Variants in FRMPD4 observed in about 807,000 individuals in gnomAD.
FRMPD4 encodes the protein FERM and PDZ domain-containing protein 4.
Under a neutral mutation model 94.1 loss-of-function variants are expected in FRMPD4, and 22 were observed. That is an observed-to-expected ratio of 0.23 (90% CI 0.17 to 0.33). The LOEUF is 0.33. Ranked by LOEUF, FRMPD4 falls within the 10% of genes least tolerant of loss-of-function variation. FRMPD4 has a pLI of 1.00. For synonymous variants in FRMPD4, 631 were observed against 548.6 expected (o/e 1.15, Z -2.10); for missense variants, 1,111 against 1,339.9 (o/e 0.83, Z 2.67).
chrX:11,825,952 C>T (rs957848405), intron 1 of FRMPD4, among the ~76,000 whole-genome samples: 1 of 111,660 alleles, frequency 9.0e-6, no homozygotes, highest in Non-Finnish European at 1.9e-5. Flanking sequence ...TTAATAGAGA[C>T]GTGTACCATA....
intron 3 of FRMPD4, among the ~76,000 whole-genome samples, chrX:12,008,542 C>A (rs1214839853): frequency 2.7e-5 from 3 of 112,629 alleles, no homozygotes; most frequent in African/African-American, 9.7e-5. Flanking sequence ...TCATCCTCAG[C>A]AGAAGGCAGA....
At chrX:11,888,719 C>A (rs2053859052) in intron 3 of FRMPD4, among the ~76,000 whole-genome samples, 1 of 111,801 alleles carries the variant, frequency 8.9e-6, no homozygotes. Context: ...CCAGTATATA[C>A]AAAAGTTATG....
At chrX:11,927,807 C>A (rs1254170309) in intron 3 of FRMPD4, among the ~76,000 whole-genome samples, 1 of 111,926 alleles carries the variant, frequency 8.9e-6, no homozygotes. Flanking sequence ...GAAAGACAAC[C>A]TAGGCAATAC....
At chrX:12,032,709 C>T (rs762883892) in intron 3 of FRMPD4, among the ~76,000 whole-genome samples, 17 of 112,054 alleles carry the variant, frequency 1.5e-4, no homozygotes, top group African/African-American at 4.5e-4. Context: ...ATAAGCAAAA[C>T]GATGATGGAA....
intron 2 of FRMPD4, among the ~76,000 whole-genome samples, chrX:12,509,648 T>C (rs772839802): frequency 1.8e-5 from 2 of 110,836 alleles, no homozygotes; most frequent in Admixed American, 9.6e-5. Context: ...ACTGCTCGGG[T>C]GATGGGTGCG....
chrX:12,024,855 C>T (rs1420881338), intron 3 of FRMPD4, among the ~76,000 whole-genome samples: 1 of 111,667 alleles, frequency 9.0e-6, no homozygotes, highest in Non-Finnish European at 1.9e-5. Flanking sequence ...ATGGGAGTGA[C>T]TCCCTTTTGC....
At position 12,182,595 on chromosome X, in the gene FRMPD4, A is replaced by G. The variant is rs184619714; in HGVS notation, c.41+43583A>G. 2.8e-5 allele frequency among the ~76,000 whole-genome samples: 3 copies of G among 108,267 alleles called. No individual in the cohort carries two copies. In the East Asian group the frequency reaches 8.8e-4, roughly 32 times the overall value. 94.0% of individuals were successfully genotyped at this position (108,267 alleles called of 115,157 possible). Reference sequence around the variant, plus strand: ...ATAAATAAATATATATATATATGTCATCACTTTCTGTCTTAGTTGGCCCTG... The same window carrying G: ...ATAAATAAATATATATATATATGTCGTCACTTTCTGTCTTAGTTGGCCCTG... On this transcript the variant is annotated intron_variant, in intron 1 of 16. Transcript: ENST00000675598.
At chrX:11,843,391 C>T (rs1050864970) in intron 1 of FRMPD4, among the ~76,000 whole-genome samples, 2 of 110,865 alleles carry the variant, frequency 1.8e-5, no homozygotes, top group African/African-American at 6.6e-5. Context: ...CTTTTCTTTA[C>T]TATTAGTGTC....
chrX:12,332,207 TAGAGAGAGAGAGAGAGAGAG>T (rs531737337), intron 1 of FRMPD4, among the ~76,000 whole-genome samples: 2 of 59,538 alleles, frequency 3.4e-5, no homozygotes, highest in African/African-American at 1.5e-4. Flanking sequence ...TATATATATA[TAGAGAGAGAGAGAGAGAGAG>T]AGAGAGAGAG....
At chrX:12,115,909 G>A (rs779796465) in intron 3 of FRMPD4, among the ~76,000 whole-genome samples, 11 of 111,812 alleles carry the variant, frequency 9.8e-5, no homozygotes, top group Admixed American at 5.7e-4. Context: ...CCATGTAGTC[G>A]CGGAAACATT....
At chrX:12,039,341 C>T (rs953846859) in intron 3 of FRMPD4, among the ~76,000 whole-genome samples, 2 of 108,973 alleles carry the variant, frequency 1.8e-5, no homozygotes, top group African/African-American at 6.7e-5. Context: ...AAGGTGAAAA[C>T]TTATTATTGG....
At chrX:11,824,131 T>G (rs182189260) in intron 1 of FRMPD4, among the ~76,000 whole-genome samples, 81 of 111,707 alleles carry the variant, frequency 7.3e-4, no homozygotes, top group African/African-American at 2.5e-3. Context: ...TACCAAATGA[T>G]TTCCATAAAA....
intron 2 of FRMPD4, among the ~76,000 whole-genome samples, chrX:12,504,806 T>C (rs761300496): frequency 8.9e-6 from 1 of 112,693 alleles, no homozygotes; most frequent in East Asian, 2.8e-4. Context: ...TTTCCCTATG[T>C]TTCTTCTTGA....
chrX:12,395,463 A>G (rs1428860844), intron 1 of FRMPD4, among the ~76,000 whole-genome samples: 1 of 112,359 alleles, frequency 8.9e-6, no homozygotes, highest in Non-Finnish European at 1.9e-5. Context: ...TAAAGGATGA[A>G]TTTGATAATT....
At chrX:12,274,556 T>G (rs2054403880) in intron 1 of FRMPD4, among the ~76,000 whole-genome samples, 1 of 112,524 alleles carries the variant, frequency 8.9e-6, no homozygotes, top group Admixed American at 9.4e-5. Flanking sequence ...TTTCATATTT[T>G]CCTGCATTAG....
At chrX:12,321,713 T>C (rs931206885) in intron 1 of FRMPD4, among the ~76,000 whole-genome samples, 7 of 112,222 alleles carry the variant, frequency 6.2e-5, no homozygotes, top group African/African-American at 2.3e-4. Context: ...ACCTGATCTC[T>C]GTCCTCATGA....
At chrX:12,059,111 A>G (rs1274819464) in intron 3 of FRMPD4, among the ~76,000 whole-genome samples, 2 of 111,716 alleles carry the variant, frequency 1.8e-5, no homozygotes, top group Admixed American at 9.5e-5. Context: ...GTGTACAGAC[A>G]CCTTTTATAA....
At chrX:12,445,359 C>A (rs1178110025) in intron 1 of FRMPD4, among the ~76,000 whole-genome samples, 5 of 112,333 alleles carry the variant, frequency 4.5e-5, no homozygotes, top group African/African-American at 1.6e-4. Flanking sequence ...GGTAGTATCT[C>A]ATGCTTCACT....
intron 1 of FRMPD4, among the ~76,000 whole-genome samples, chrX:12,157,753 A>T (rs1178165610): frequency 8.9e-6 from 1 of 112,476 alleles, no homozygotes; most frequent in Non-Finnish European, 1.9e-5. Context: ...TAAGTCATAT[A>T]CATTAACCAG....
Sources: gnomAD v4.1 joint callset for allele counts (sites outside exome capture counted in the v4.1 genomes callset) on GRCh38, gnomAD v4.1.1 for gene constraint, MANE v1.5 for transcripts, NCBI Gene and HGNC (gene_info 2026-07-23, HGNC 2026-07-21) for gene names.